The following KHDRBS3 variants were observed in gnomAD, a reference collection of about 807,000 sequenced individuals.
KHDRBS3 encodes the protein KH RNA binding domain containing, signal transduction associated 3, also known as KH domain-containing, RNA-binding, signal transduction-associated protein 3.
KHDRBS3 carries 23 observed loss-of-function variants against 45.6 expected under a neutral mutation model. That is an observed-to-expected ratio of 0.50 (90% CI 0.36 to 0.72). KHDRBS3 has a LOEUF of 0.72. Among genes scored for constraint, KHDRBS3 ranks in the 30% least tolerant of loss-of-function variants. The pLI is 0.00. For synonymous variants in KHDRBS3, 162 were observed against 156.5 expected (o/e 1.04, Z -0.26); for missense variants, 352 against 424.8 (o/e 0.83, Z 1.51).
intron 4 of KHDRBS3, among the ~76,000 whole-genome samples, chr8:135,551,709 C>T (rs1826611516): frequency 6.6e-6 from 1 of 152,036 alleles, no homozygotes; most frequent in African/African-American, 2.4e-5. Context: ...TGGTTTGTCG[C>T]ACAGTATTTT....
chr8:135,519,215 A>G (rs1386220783), intron 1 of KHDRBS3, among the ~76,000 whole-genome samples: 2 of 152,218 alleles, frequency 1.3e-5, no homozygotes, highest in East Asian at 3.9e-4. Flanking sequence ...CCCCCATCTC[A>G]TCGCTCTTAA....
chr8:135,525,968 A>T (rs1002052141), intron 2 of KHDRBS3, among the ~76,000 whole-genome samples: 1 of 152,226 alleles, frequency 6.6e-6, no homozygotes, highest in African/African-American at 2.4e-5. Context: ...CCATAAGATT[A>T]TAATACTGTA....
chr8:135,551,552 C>T (rs939690108), intron 4 of KHDRBS3, among the ~76,000 whole-genome samples: 1 of 152,192 alleles, frequency 6.6e-6, no homozygotes, highest in South Asian at 2.1e-4. Flanking sequence ...TAGTGTATTA[C>T]ATTAGTTGAT....
chr8:135,466,270 T>C (rs2130141004), intron 1 of KHDRBS3, among the ~76,000 whole-genome samples: 1 of 152,328 alleles, frequency 6.6e-6, no homozygotes, highest in Non-Finnish European at 1.5e-5. Context: ...CCTGGCACTG[T>C]AGCTAGGTTC....
chr8:135,608,539 C>G (rs909429045), intron 7 of KHDRBS3, among the ~76,000 whole-genome samples: 1 of 152,204 alleles, frequency 6.6e-6, no homozygotes, highest in Non-Finnish European at 1.5e-5. Context: ...CTGGCACTTG[C>G]TTGTGACCGA....
chr8:135,587,273 T>C (rs890495685), intron 6 of KHDRBS3, among the ~76,000 whole-genome samples: 21 of 152,230 alleles, frequency 1.4e-4, no homozygotes, highest in Non-Finnish European at 2.9e-4. Flanking sequence ...ATCATTGAGA[T>C]GAACATCTGT....
intron 1 of KHDRBS3, among the ~76,000 whole-genome samples, chr8:135,506,788 C>T (rs553132066): frequency 1.3e-5 from 2 of 152,090 alleles, no homozygotes; most frequent in Admixed American, 6.5e-5. Flanking sequence ...TGTACTGGAC[C>T]TCTTTTCTCT....
At chr8:135,482,639 T>G (rs1822640920) in intron 1 of KHDRBS3, among the ~76,000 whole-genome samples, 1 of 152,064 alleles carries the variant, frequency 6.6e-6, no homozygotes, top group African/African-American at 2.4e-5. Context: ...GGGTGAGAGG[T>G]GGCATTAGAG....
At chr8:135,614,266 G>C (rs2131058360) in intron 7 of KHDRBS3, among the ~76,000 whole-genome samples, 1 of 151,932 alleles carries the variant, frequency 6.6e-6, no homozygotes, top group Middle Eastern at 3.4e-3. Context: ...GGAATAGCTA[G>C]TATAGTGAAT....
chr8:135,513,719 A>G (rs1824426386), intron 1 of KHDRBS3, among the ~76,000 whole-genome samples: 1 of 152,194 alleles, frequency 6.6e-6, no homozygotes, highest in Non-Finnish European at 1.5e-5. Flanking sequence ...TGGGGGCCAG[A>G]GTACCAATTT....
At position 135,557,526 on chromosome 8, in the gene KHDRBS3, C is replaced by A; in HGVS notation, c.550C>A (p.Pro184Thr). The A allele has an allele frequency of 6.2e-7, 1 of 1,610,144 alleles. No individual in the cohort carries two copies. The highest frequency in any genetic ancestry group is 1.1e-5 in the South Asian group (1 of 91,024). The change falls in exon 5 of 9, where the codon CCA (proline) becomes ACA (threonine). Residue 184 changes from proline to threonine, a missense_variant. Physicochemically the swap from Pro to Thr is conservative, Grantham distance 38. Around this residue, in one of 6 missense-constraint regions of KHDRBS3, gnomAD observed 212 missense variants for 209.6 expected, o/e 1.01. Coordinates refer to ENST00000355849, the MANE Select transcript of KHDRBS3 (RefSeq NM_006558.3). ...LNGGSENADV[P>T]VVRGKPTLRT... ...TGGTGGTTCAGAAAATGCAGATGTTCCAGTGGTTCGAGGGAAACCCACCTT... is the reference window on the plus strand; with the variant it reads ...TGGTGGTTCAGAAAATGCAGATGTTACAGTGGTTCGAGGGAAACCCACCTT...
chr8:135,574,454 G>T (rs962808165), intron 5 of KHDRBS3, among the ~76,000 whole-genome samples: 1 of 152,170 alleles, frequency 6.6e-6, no homozygotes, highest in Admixed American at 6.5e-5. Context: ...TTTCATACAC[G>T]AGTGGTGCAT....
At chr8:135,475,136 TACTA>T (rs1241148607) in intron 1 of KHDRBS3, among the ~76,000 whole-genome samples, 1 of 152,222 alleles carries the variant, frequency 6.6e-6, no homozygotes, top group Non-Finnish European at 1.5e-5. Context: ...GCTAGGTGGT[TACTA>T]ACTTAGTTCC....
chr8:135,631,422 A>G (rs958884575), intron 7 of KHDRBS3, among the ~76,000 whole-genome samples: 1 of 152,038 alleles, frequency 6.6e-6, no homozygotes, highest in Admixed American at 6.5e-5. Flanking sequence ...TCCTTATTTC[A>G]TAAGCTTTTT....
At chr8:135,536,987 AAAAAAAAAAAG>A (rs1326215616) in intron 2 of KHDRBS3, among the ~76,000 whole-genome samples, 3 of 55,540 alleles carry the variant, frequency 5.4e-5, no homozygotes, top group African/African-American at 2.3e-4. Context: ...AAAAAAAAAA[AAAAAAAAAAAG>A]GAGATGTTTA....
At chr8:135,544,726 C>T (rs1469401191) in intron 3 of KHDRBS3, among the ~76,000 whole-genome samples, 1 of 152,156 alleles carries the variant, frequency 6.6e-6, no homozygotes, top group South Asian at 2.1e-4. Context: ...ACATGATTGA[C>T]CCTCTTTTCC....
chr8:135,619,316 A>G (rs1563810319), intron 7 of KHDRBS3, among the ~76,000 whole-genome samples: 2 of 152,228 alleles, frequency 1.3e-5, no homozygotes, highest in Non-Finnish European at 2.9e-5. Flanking sequence ...ATAGTTTATC[A>G]AAAGTATTGG....
At chr8:135,548,383 C>T (rs1282700756) in intron 3 of KHDRBS3, among the ~76,000 whole-genome samples, 1 of 152,156 alleles carries the variant, frequency 6.6e-6, no homozygotes, top group Non-Finnish European at 1.5e-5. Context: ...AGCACGTGAG[C>T]TCAGCCAGGT....
intron 1 of KHDRBS3, among the ~76,000 whole-genome samples, chr8:135,504,530 G>A (rs74683920): frequency 0.047 from 7,099 of 152,222 alleles, 263 homozygotes; most frequent in East Asian, 0.18. Context: ...TACATCTACT[G>A]CCTTCTGGTA....
Sources: gnomAD v4.1 joint callset for allele counts (sites outside exome capture counted in the v4.1 genomes callset) on GRCh38, gnomAD v4.1.1 for gene constraint, gnomAD v4.1.1 regional missense constraint, MANE v1.5 for transcripts, NCBI Gene and HGNC (gene_info 2026-07-23, HGNC 2026-07-21) for gene names.